Variants in TUSC3 observed in about 807,000 individuals in gnomAD.
TUSC3 encodes tumor suppressor candidate 3.
TUSC3 carries 45 observed loss-of-function variants against 44.8 expected under a neutral mutation model. That is an observed-to-expected ratio of 1.00 (90% CI 0.79 to 1.29). The LOEUF is 1.29. TUSC3 is among the 50% of genes most tolerant of loss of function. The pLI is 0.00. For synonymous variants in TUSC3, 212 were observed against 152.9 expected, an observed-to-expected ratio of 1.39 and a Z score of -2.85; for missense variants, 519 against 437.9, an observed-to-expected ratio of 1.19 and a Z score of -1.65.
chr8:15,816,497 C>T, the TUSC3 span, among the ~76,000 whole-genome samples: 1,776 of 152,158 alleles, frequency 0.012, 47 homozygotes, highest in African/African-American at 0.04. Flanking sequence ...TTTGAAGCAT[C>T]CTGGCATAGG....
intron 1 of TUSC3, among the ~76,000 whole-genome samples, chr8:15,610,929 CTGGACTTATTTTTAA>C (rs1452340493): frequency 1.3e-4 from 20 of 152,066 alleles, no homozygotes; most frequent in Non-Finnish European, 2.1e-4. Context: ...AAGAGTGTTA[CTGGACTTATTTTTAA>C]TATGTCTCTA....
intron 2 of TUSC3, among the ~76,000 whole-genome samples, chr8:15,535,034 A>G (rs889001030): frequency 6.6e-6 from 1 of 152,248 alleles, no homozygotes; most frequent in Admixed American, 6.5e-5. Flanking sequence ...ATATAGGAGT[A>G]TGGAGTCCTT....
intron 2 of TUSC3, among the ~76,000 whole-genome samples, chr8:15,495,070 C>T (rs924343866): frequency 6.6e-6 from 1 of 152,172 alleles, no homozygotes; most frequent in Non-Finnish European, 1.5e-5. Flanking sequence ...TTTGCTGCTG[C>T]AAAATACAGG....
chr8:15,464,279 A>G (rs901971651), intron 1 of TUSC3, among the ~76,000 whole-genome samples: 3 of 152,190 alleles, frequency 2.0e-5, no homozygotes, highest in African/African-American at 7.2e-5. Context: ...AATTACTCCA[A>G]GAATGAAACA....
intron 1 of TUSC3, among the ~76,000 whole-genome samples, chr8:15,617,611 A>T (rs1297007574): frequency 6.6e-6 from 1 of 152,224 alleles, no homozygotes; most frequent in Non-Finnish European, 1.5e-5. Flanking sequence ...CTCATTAAGT[A>T]CAGAAGTGGT....
At chr8:15,722,079 C>G (rs1479695421) in intron 6 of TUSC3, among the ~76,000 whole-genome samples, 1 of 151,968 alleles carries the variant, frequency 6.6e-6, no homozygotes, top group East Asian at 1.9e-4. Flanking sequence ...AGCTGTCTCA[C>G]TAGTGTCTGG....
At chr8:15,787,549 T>G in the TUSC3 span, among the ~76,000 whole-genome samples, 10 of 152,226 alleles carry the variant, frequency 6.6e-5, no homozygotes, top group Non-Finnish European at 1.5e-4. Flanking sequence ...CTTAGAATAA[T>G]AAGACCAGTA....
At chr8:15,761,432 G>C (rs1196853531) in intron 10 of TUSC3, among the ~76,000 whole-genome samples, 2 of 152,164 alleles carry the variant, frequency 1.3e-5, no homozygotes, top group East Asian at 1.9e-4. Flanking sequence ...GGGAGCTTCT[G>C]GGGGCACATT....
intron 8 of TUSC3, among the ~76,000 whole-genome samples, chr8:15,748,019 T>TGTTTGTGGTTTATAAC (rs1461264737): frequency 6.6e-6 from 1 of 152,134 alleles, no homozygotes; most frequent in Non-Finnish European, 1.5e-5. Context: ...GCAATAATCT[T>TGTTTGTGGTTTATAAC]GTTTGTGGTT....
chr8:15,805,955 G>A, the TUSC3 span, among the ~76,000 whole-genome samples: 162 of 152,260 alleles, frequency 1.1e-3, no homozygotes, highest in Non-Finnish European at 1.8e-3. Context: ...GTTTACTTAA[G>A]TGTCAAATTT....
intron 2 of TUSC3, among the ~76,000 whole-genome samples, chr8:15,495,338 A>G (rs939421778): frequency 6.6e-6 from 1 of 152,216 alleles, no homozygotes; most frequent in Non-Finnish European, 1.5e-5. Flanking sequence ...ACACCTGACA[A>G]AGAACCCAAT....
rs535856343 is a variant in TUSC3, at chr8:15,760,850, C to T, written c.*46+2995C>T. The stretch of plus-strand genomic sequence containing the variant: ...CTGAATATGTTCCCATACTTTCATA[C>T]CTTTCCTCATCCAGTTTCTTCGGTC... On this transcript the variant is annotated intron_variant, in intron 10 of 10. Coordinates refer to ENST00000503731, the MANE Select transcript of TUSC3 (RefSeq NM_006765.4). Among the ~76,000 whole-genome samples the T allele has an allele frequency of 1.8e-4, 27 of 152,296 alleles. No homozygotes were observed. The South Asian group carries it at 5.6e-3, about 32-fold the overall frequency.
chr8:15,480,149 G>T (rs1049443021), intron 1 of TUSC3, among the ~76,000 whole-genome samples: 2 of 152,300 alleles, frequency 1.3e-5, no homozygotes, highest in Admixed American at 1.3e-4. Flanking sequence ...TATTCAAGGA[G>T]AACTACACGC....
intron 2 of TUSC3, among the ~76,000 whole-genome samples, chr8:15,532,408 A>C (rs942308295): frequency 6.6e-5 from 10 of 152,168 alleles, no homozygotes; most frequent in Non-Finnish European, 1.2e-4. Context: ...AGTCTCAATC[A>C]TTTTAGGAGG....
At chr8:15,530,327 T>C (rs1801433427) in intron 2 of TUSC3, among the ~76,000 whole-genome samples, 1 of 152,162 alleles carries the variant, frequency 6.6e-6, no homozygotes, top group Admixed American at 6.5e-5. Flanking sequence ...TTTACCCTAG[T>C]GTCTGGCATA....
chr8:15,676,877 T>C (rs1808213225), intron 6 of TUSC3, among the ~76,000 whole-genome samples: 3 of 152,176 alleles, frequency 2.0e-5, no homozygotes, highest in Non-Finnish European at 4.4e-5. Context: ...AAGGATTTTC[T>C]TTTTCTGCAA....
At chr8:15,674,262 G>C (rs1226826219) in intron 6 of TUSC3, among the ~76,000 whole-genome samples, 1 of 151,874 alleles carries the variant, frequency 6.6e-6, no homozygotes, top group Non-Finnish European at 1.5e-5. Context: ...TAGAATGTTA[G>C]GAACTCTTTG....
the TUSC3 span, among the ~76,000 whole-genome samples, chr8:15,772,187 T>C: frequency 6.6e-6 from 1 of 151,854 alleles, no homozygotes; most frequent in East Asian, 1.9e-4. Flanking sequence ...AGCAGATGTA[T>C]AGAAATAAAG....
chr8:15,457,062 C>G (rs1184296209), intron 1 of TUSC3, among the ~76,000 whole-genome samples: 2 of 150,742 alleles, frequency 1.3e-5, no homozygotes, highest in Non-Finnish European at 2.9e-5. Flanking sequence ...CAAACTATCG[C>G]AAGGATAAAA....
Sources: allele counts gnomAD v4.1 joint callset (sites outside exome capture counted in the v4.1 genomes callset), GRCh38; gene constraint gnomAD v4.1.1; transcripts MANE v1.5; gene names NCBI Gene and HGNC (gene_info 2026-07-23, HGNC 2026-07-21).